UBN2: variants seen among roughly 807,000 people sequenced by gnomAD.
UBN2 encodes the protein ubinuclein 2.
In UBN2, 35 loss-of-function variants were observed where a neutral mutation model predicts 120.2. That is an observed-to-expected ratio of 0.29 (90% CI 0.22 to 0.39). The LOEUF (loss-of-function observed/expected upper bound fraction) is 0.39. Ranked by LOEUF, UBN2 falls within the 10% of genes least tolerant of loss-of-function variation. The pLI, the probability that UBN2 is intolerant of heterozygous loss-of-function variation, is 1.00. For synonymous variants in UBN2, 661 were observed against 648.7 expected (o/e 1.02, Z -0.29); for missense variants, 1,693 against 1,663.2 (o/e 1.02, Z -0.31).
At chr7:139,324,257 A>G in the UBN2 span, among the ~76,000 whole-genome samples, 1 of 152,190 alleles carries the variant, frequency 6.6e-6, no homozygotes, top group Non-Finnish European at 1.5e-5. Flanking sequence ...AGCTTTAATG[A>G]GACATTAACT....
chr7:139,289,129 C>A (rs771448261), intron 15 of UBN2, among the ~76,000 whole-genome samples: 2 of 151,930 alleles, frequency 1.3e-5, no homozygotes, highest in Admixed American at 6.6e-5. Context: ...TAATCTGGAA[C>A]TATTTACCTG....
chr7:139,255,397 A>G (rs894420993), intron 3 of UBN2, among the ~76,000 whole-genome samples: 8 of 152,116 alleles, frequency 5.3e-5, no homozygotes, highest in Admixed American at 1.3e-4. Flanking sequence ...TTGTGTGTGT[A>G]TGTGTGTGCT....
chr7:139,266,244 A>G (rs908546917), intron 6 of UBN2, 89 bp from the exon 7 acceptor site: 4 of 837,606 alleles, frequency 4.8e-6, no homozygotes, highest in South Asian at 1.6e-5. Context: ...AAAAAAAAAA[A>G]AGAAAAAAAC....
Position 139,301,188 on chromosome 7 carries a change from C to T in UBN2, c.*3352C>T, listed in dbSNP as rs933556216. The T allele has an allele frequency of 6.6e-6, 1 of 152,080 alleles. No homozygotes were observed. The highest frequency in any genetic ancestry group is 2.4e-5 in the African/African-American group (1 of 41,402). The allele number at this position is 152,080 out of a possible 1,614,324, so 9.4% of individuals were successfully genotyped here. On this transcript the variant is annotated 3_prime_UTR_variant, in exon 18 of 18. Transcript: ENST00000473989. Reference sequence around the variant, plus strand: ...CAGGAAGGTAAGGGGAAGAACCGGGCACATATGTGTTGGAATACTGTGGGT... The same window carrying T: ...CAGGAAGGTAAGGGGAAGAACCGGGTACATATGTGTTGGAATACTGTGGGT...
rs554129202 is a variant in UBN2 at position 139,306,243 on chromosome 7, C to G, written c.*8407C>G. On this transcript the variant is annotated 3_prime_UTR_variant, in exon 18 of 18. Coordinates refer to ENST00000473989, the MANE Select transcript of UBN2 (RefSeq NM_173569.4). ...GTGTGGCAACCTGCCCTTAAATTGT[C>G]AGATCTTAACTATCTTGTGTTTGCT... 6.6e-6 allele frequency: 1 copy of G among 152,298 alleles called. No homozygotes were observed. Among genetic ancestry groups the G allele is most frequent in the East Asian group, 1.9e-4 (1 of 5,190 alleles). The allele number at this position is 152,298 out of a possible 1,614,324, so 9.4% of individuals were successfully genotyped here.
Position 139,301,579 on chromosome 7 carries a change from A to G in UBN2, c.*3743A>G, listed in dbSNP as rs1157308348. The G allele has an allele frequency of 1.3e-5, 2 of 152,144 alleles. No homozygotes were observed. Among genetic ancestry groups the G allele is most frequent in the Non-Finnish European group, 2.9e-5 (2 of 68,032 alleles). 9.4% of individuals were successfully genotyped at this position (152,144 alleles called of 1,614,324 possible). A position where few individuals can be genotyped will look rare whatever the true frequency, so the allele number is the denominator to read the frequency against. ...TTATTTCTAGGATGTTTTGTCCTCTAGTTTGACTCATGTATAGAATTAGGA... is the reference window on the plus strand; with the variant it reads ...TTATTTCTAGGATGTTTTGTCCTCTGGTTTGACTCATGTATAGAATTAGGA... On this transcript the variant is annotated 3_prime_UTR_variant, in exon 18 of 18. Coordinates refer to ENST00000473989, the MANE Select transcript of UBN2 (RefSeq NM_173569.4).
At chr7:139,276,397 G>A in intron 12 of UBN2, 1 of 475,704 alleles carries the variant, frequency 2.1e-6, no homozygotes, top group Non-Finnish European at 3.8e-6. Context: ...AAGGCTCAGG[G>A]ATTTTCCTTT....
chr7:139,274,815 C>T (rs1797392511), intron 11 of UBN2, among the ~76,000 whole-genome samples: 1 of 151,520 alleles, frequency 6.6e-6, no homozygotes. Context: ...AGGCCAGGTG[C>T]AGTGGTTCAC....
intron 1 of UBN2, among the ~76,000 whole-genome samples, chr7:139,235,740 C>G (rs1796147829): frequency 6.6e-6 from 1 of 152,144 alleles, no homozygotes; most frequent in Admixed American, 6.5e-5. Context: ...GTGAACTATT[C>G]TATAAATTTA....
downstream of UBN2, among the ~76,000 whole-genome samples, chr7:139,309,369 C>CTG (rs142112550): frequency 4.9e-3 from 750 of 152,180 alleles, 14 homozygotes; most frequent in East Asian, 0.044. Context: ...ATGAGGGGGA[C>CTG]TGTAAGTGCC....
Position 139,231,760 on chromosome 7 carries a change from G to T in UBN2, c.276G>T (p.Arg92=). Residue 92 remains arginine (R), a synonymous_variant, in exon 1 of 18, where the codon CGG becomes CGT. Transcript: ENST00000473989. ...PPMSLQREPP[R]PEPPPPFPPL... ...TGTCGCTGCAGCGGGAGCCCCCGCG[G>T]CCCGAGCCGCCGCCGCCGTTCCCGC... The T allele has an allele frequency of 8.1e-7, 1 of 1,240,022 alleles. No individual in the cohort carries two copies. The highest frequency in any genetic ancestry group is 1.0e-6 in the Non-Finnish European group (1 of 996,678). The allele number at this position is 1,240,022 out of a possible 1,614,324, so 76.8% of individuals were successfully genotyped here. A position where few individuals can be genotyped will look rare whatever the true frequency, so the allele number is the denominator to read the frequency against.
At chr7:139,292,917 A>G (rs1416444179) in intron 15 of UBN2, among the ~76,000 whole-genome samples, 1 of 152,174 alleles carries the variant, frequency 6.6e-6, no homozygotes, top group African/African-American at 2.4e-5. Context: ...TAAAGTGAGT[A>G]TTTTCAGAGA....
At chr7:139,233,064 T>C (rs776475680) in intron 1 of UBN2, among the ~76,000 whole-genome samples, 2 of 152,230 alleles carry the variant, frequency 1.3e-5, no homozygotes, top group Non-Finnish European at 2.9e-5. Context: ...TCAACTACCT[T>C]TATGGTCAAA....
chr7:139,263,032 G>A (rs1418954827), intron 6 of UBN2, among the ~76,000 whole-genome samples: 2 of 152,118 alleles, frequency 1.3e-5, no homozygotes, highest in African/African-American at 2.4e-5. Context: ...TGGCTGTTAC[G>A]AAGGTTAAAC....
rs190180614 is a variant in UBN2, at chr7:139,261,639, C to G, written c.1293C>G (p.Thr431=). The G allele has an allele frequency of 4.3e-3, 6,979 of 1,614,152 alleles. 17 individuals carry two copies. Among genetic ancestry groups the G allele is most frequent in the Non-Finnish European group, 5.4e-3 (6,422 of 1,180,032 alleles). The change falls in exon 6 of 18, where the codon ACC becomes ACG. Residue 431 remains threonine (T), a synonymous_variant. Transcript: ENST00000473989. ...LSESGGENGT[T]TQPTYTSQVM... Reference sequence around the variant, plus strand: ...AGTCGGGGGGTGAAAATGGAACCACCACCCAGCCAACCTACACTTCTCAGG... The same window carrying G: ...AGTCGGGGGGTGAAAATGGAACCACGACCCAGCCAACCTACACTTCTCAGG...
intron 2 of UBN2, among the ~76,000 whole-genome samples, chr7:139,245,218 G>C (rs1164087739): frequency 6.6e-6 from 1 of 150,982 alleles, no homozygotes; most frequent in Non-Finnish European, 1.5e-5. Flanking sequence ...GGGATTATAG[G>C]CATGAGCCAC....
At chr7:139,319,194 TG>T in the UBN2 span, among the ~76,000 whole-genome samples, 32 of 152,324 alleles carry the variant, frequency 2.1e-4, no homozygotes, top group African/African-American at 7.7e-4. Context: ...GCGATTTTCC[TG>T]CCTCAGCTTC....
chr7:139,245,933 A>T (rs556870042), intron 2 of UBN2, among the ~76,000 whole-genome samples: 22 of 152,208 alleles, frequency 1.4e-4, no homozygotes, highest in African/African-American at 5.3e-4. Context: ...GTTTGAGTCA[A>T]CATGTACAAG....
Position 139,302,995 on chromosome 7 carries a change from T to C in UBN2, c.*5159T>C, listed in dbSNP as rs977546069. ...CAAGGCTAGCGTTAGAACCGCAGTT[T>C]GGTGTCTAAGTTTAGAAGCAGGTTA... On this transcript the variant is annotated 3_prime_UTR_variant, in exon 18 of 18. Coordinates refer to ENST00000473989, the MANE Select transcript of UBN2 (RefSeq NM_173569.4). The C allele has an allele frequency of 6.6e-6, 1 of 152,188 alleles. No individual in the cohort carries two copies. Among genetic ancestry groups the C allele is most frequent in the Admixed American group, 6.5e-5 (1 of 15,280 alleles). The allele number at this position is 152,188 out of a possible 1,614,324, so 9.4% of individuals were successfully genotyped here.
Sources: allele counts gnomAD v4.1 joint callset (sites outside exome capture counted in the v4.1 genomes callset), GRCh38; gene constraint gnomAD v4.1.1; transcripts MANE v1.5; gene names NCBI Gene and HGNC (gene_info 2026-07-23, HGNC 2026-07-21).